COL8A1: variants seen among roughly 807,000 people sequenced by gnomAD.
COL8A1 encodes the protein collagen alpha-1(VIII) chain.
A neutral mutation model predicts 42.7 loss-of-function variants in COL8A1; 21 were observed. The observed-to-expected ratio is 0.49, with a 90% CI of 0.35 to 0.71. The LOEUF (loss-of-function observed/expected upper bound fraction) is 0.71, where lower values mean the gene tolerates loss of function less well. Ranked by LOEUF, COL8A1 falls within the 30% of genes least tolerant of loss-of-function variation. The pLI is 0.01. For synonymous variants in COL8A1, 367 were observed against 369.1 expected (o/e 0.99, Z 0.06); for missense variants, 788 against 962.4 (o/e 0.82, Z 2.40).
intron 1 of COL8A1, chr3:99,679,377 G>A (rs368449048): frequency 6.6e-6 from 1 of 152,296 alleles, no homozygotes; most frequent in East Asian, 1.9e-4. Flanking sequence ...TCTCTTTATA[G>A]GATCTCATTA....
chr3:99,709,696 T>C lies in COL8A1; in HGVS notation c.-128-35201T>C, dbSNP rs532787832. On this transcript the variant is annotated intron_variant, in intron 1 of 3. Coordinates refer to ENST00000652472, the MANE Select transcript of COL8A1 (RefSeq NM_020351.4). ...CCTCTCCATATTGAATCTGACTCCA[T>C]ATCTATTTGGTTTGACCTGTGTGAT... Among the ~76,000 whole-genome samples the C allele has an allele frequency of 2.0e-5, 3 of 152,306 alleles. No individual in the cohort carries two copies. The South Asian group carries it at 6.2e-4, about 32-fold the overall frequency.
At chr3:99,746,788 G>T (rs1941035701) in intron 2 of COL8A1, among the ~76,000 whole-genome samples, 1 of 152,166 alleles carries the variant, frequency 6.6e-6, no homozygotes. Context: ...ATTCAACATG[G>T]TCATCAATTC....
chr3:99,705,753 T>C (rs1246642626), intron 1 of COL8A1, among the ~76,000 whole-genome samples: 2 of 152,164 alleles, frequency 1.3e-5, no homozygotes, highest in African/African-American at 4.8e-5. Flanking sequence ...GCTCTTGTTT[T>C]GGGGATGAAT....
chr3:99,646,750 C>T (rs550834011), intron 1 of COL8A1, among the ~76,000 whole-genome samples: 1 of 152,068 alleles, frequency 6.6e-6, no homozygotes, highest in African/African-American at 2.4e-5. Flanking sequence ...AAAGGCCAAA[C>T]AAGATCAAGG....
chr3:99,793,410 G>C (rs536060800), intron 3 of COL8A1, among the ~76,000 whole-genome samples: 3 of 151,420 alleles, frequency 2.0e-5, no homozygotes, highest in African/African-American at 7.3e-5. Flanking sequence ...CTATAATTTG[G>C]ATAACAACTC....
At chr3:99,723,104 G>A (rs1940204063) in intron 1 of COL8A1, among the ~76,000 whole-genome samples, 1 of 151,790 alleles carries the variant, frequency 6.6e-6, no homozygotes, top group Admixed American at 6.6e-5. Context: ...GTGTTTAGCA[G>A]ATGTATTTTG....
intron 2 of COL8A1, among the ~76,000 whole-genome samples, chr3:99,782,781 T>C (rs1381622766): frequency 1.3e-5 from 2 of 152,216 alleles, no homozygotes; most frequent in East Asian, 3.9e-4. Context: ...CAAAGTCATA[T>C]AGCTAATGTT....
chr3:99,744,925 G>A lies in COL8A1; in HGVS notation c.-100G>A, dbSNP rs1424338977. The A allele has an allele frequency of 6.6e-6, 1 of 152,186 alleles. No homozygotes were observed. Among genetic ancestry groups the A allele is most frequent in the African/African-American group, 2.4e-5 (1 of 41,422 alleles). The allele number at this position is 152,186 out of a possible 1,614,324, so 9.4% of individuals were successfully genotyped here. On this transcript the variant is annotated 5_prime_UTR_variant, in exon 2 of 4. Transcript: ENST00000652472. ...CTGTTGTGAAGGCAGAGCAGCATCT[G>A]CTGAAGAGACAGAAACCAGCCCCAG...
At chr3:99,713,800 A>G (rs550796378) in intron 1 of COL8A1, among the ~76,000 whole-genome samples, 2 of 152,006 alleles carry the variant, frequency 1.3e-5, no homozygotes, top group African/African-American at 4.8e-5. Flanking sequence ...AAAAAATACA[A>G]TTAAAACAAA....
intron 1 of COL8A1, among the ~76,000 whole-genome samples, chr3:99,677,437 C>A (rs1016291720): frequency 3.9e-5 from 6 of 152,090 alleles, no homozygotes; most frequent in African/African-American, 1.4e-4. Context: ...CTTCAGGAAA[C>A]TTTCCACAGA....
At chr3:99,652,404 T>G (rs1424053092) in intron 1 of COL8A1, among the ~76,000 whole-genome samples, 1 of 152,230 alleles carries the variant, frequency 6.6e-6, no homozygotes, top group Non-Finnish European at 1.5e-5. Flanking sequence ...AGGGGTTTTA[T>G]CTACAATTTA....
At chr3:99,702,729 C>G (rs1208443846) in intron 1 of COL8A1, among the ~76,000 whole-genome samples, 1 of 152,138 alleles carries the variant, frequency 6.6e-6, no homozygotes, top group Non-Finnish European at 1.5e-5. Context: ...AGTTGCTGAG[C>G]CTTCATGAAG....
chr3:99,775,740 C>G (rs1371563196), intron 2 of COL8A1, among the ~76,000 whole-genome samples: 1 of 152,174 alleles, frequency 6.6e-6, no homozygotes, highest in African/African-American at 2.4e-5. Flanking sequence ...CTGTCCCAGG[C>G]CCAATACTCC....
chr3:99,731,748 G>A (rs150326951), intron 1 of COL8A1, among the ~76,000 whole-genome samples: 1 of 152,172 alleles, frequency 6.6e-6, no homozygotes, highest in East Asian at 1.9e-4. Context: ...TATAGAAACT[G>A]GACTATGGTA....
At chr3:99,681,003 G>A (rs1484298000) in intron 1 of COL8A1, among the ~76,000 whole-genome samples, 2 of 152,128 alleles carry the variant, frequency 1.3e-5, no homozygotes, top group African/African-American at 4.8e-5. Context: ...ATGGATTGAA[G>A]ACTTAAATGT....
intron 1 of COL8A1, among the ~76,000 whole-genome samples, chr3:99,646,103 T>G (rs1397239604): frequency 6.6e-6 from 1 of 152,126 alleles, no homozygotes; most frequent in East Asian, 1.9e-4. Flanking sequence ...TAGACTGAAG[T>G]GAATACCTTT....
At chr3:99,711,596 C>G (rs768637151) in intron 1 of COL8A1, among the ~76,000 whole-genome samples, 1 of 152,036 alleles carries the variant, frequency 6.6e-6, no homozygotes, top group Non-Finnish European at 1.5e-5. Context: ...TGACCTAATA[C>G]CTGGGGGATG....
intron 1 of COL8A1, among the ~76,000 whole-genome samples, chr3:99,737,197 C>A (rs772755117): frequency 2.4e-4 from 37 of 152,088 alleles, no homozygotes; most frequent in Non-Finnish European, 4.0e-4. Context: ...GTTTGCCAGT[C>A]TGTGTCTTTT....
rs1941577040 is a variant in COL8A1 at position 99,771,293 on chromosome 3, T to C, written c.-3-19387T>C. Among the ~76,000 whole-genome samples, 9 of 152,282 alleles carry C rather than the reference T, an allele frequency of 5.9e-5. No individual in the cohort carries two copies. The South Asian group carries it at 1.9e-3, about 32-fold the overall frequency. On this transcript the variant is annotated intron_variant, in intron 2 of 3. Transcript: ENST00000652472. ...TACATTTGTTAAATAAGAGAGAATA[T>C]TCATATAATCCCACTCTAACAAAGT...
Sources: gnomAD v4.1 joint callset for allele counts (sites outside exome capture counted in the v4.1 genomes callset) on GRCh38, gnomAD v4.1.1 for gene constraint, MANE v1.5 for transcripts, NCBI Gene and HGNC (gene_info 2026-07-23, HGNC 2026-07-21) for gene names.